The following RAB31 variants were observed in gnomAD, a reference collection of about 807,000 sequenced individuals.
The protein encoded by RAB31 is RAB31, member RAS oncogene family, also known as ras-related protein Rab-31.
RAB31 carries 21 observed loss-of-function variants against 25.6 expected under a neutral mutation model. The observed-to-expected ratio is 0.82, with a 90% CI of 0.58 to 1.18. The LOEUF is 1.18. Among genes scored for constraint, RAB31 ranks in the 50% most tolerant of loss-of-function variants. The pLI is 0.00. For synonymous variants in RAB31, 87 were observed against 84.0 expected, an observed-to-expected ratio of 1.04 and a Z score of -0.20; for missense variants, 196 against 250.1, an observed-to-expected ratio of 0.78 and a Z score of 1.46.
chr18:9,767,141 A>G (rs1186186207), intron 1 of RAB31, among the ~76,000 whole-genome samples: 1 of 152,240 alleles, frequency 6.6e-6, no homozygotes, highest in East Asian at 1.9e-4. Flanking sequence ...CCCCAATGGG[A>G]TGTCATGCAC....
At chr18:9,724,282 A>AC (rs1332213414) in intron 1 of RAB31, among the ~76,000 whole-genome samples, 20 of 123,280 alleles carry the variant, frequency 1.6e-4, no homozygotes, top group African/African-American at 6.2e-4. Context: ...AAAAAAAAAA[A>AC]AAAAACAAAA....
chr18:9,781,893 G>A (rs2068406634), intron 2 of RAB31, among the ~76,000 whole-genome samples: 2 of 152,224 alleles, frequency 1.3e-5, no homozygotes, highest in South Asian at 4.1e-4. Context: ...GGTAGGTTCG[G>A]TGGGCTGAGG....
chr18:9,760,337 C>G (rs1161785314), intron 1 of RAB31, among the ~76,000 whole-genome samples: 1 of 151,946 alleles, frequency 6.6e-6, no homozygotes, highest in Non-Finnish European at 1.5e-5. Context: ...CCATGCCCAG[C>G]TAATTTTTTA....
chr18:9,772,770 A>T (rs8092047), intron 1 of RAB31, among the ~76,000 whole-genome samples: 82,690 of 151,770 alleles, frequency 0.54, 23,023 homozygotes, highest in Non-Finnish European at 0.58. Flanking sequence ...GTAAGGGGCA[A>T]TTTCCTAATC....
chr18:9,788,411 G>A (rs757867427), intron 2 of RAB31, among the ~76,000 whole-genome samples: 1 of 152,232 alleles, frequency 6.6e-6, no homozygotes, highest in African/African-American at 2.4e-5. Context: ...TGGCAAGGGT[G>A]AAGAGAAAAG....
intron 2 of RAB31, among the ~76,000 whole-genome samples, chr18:9,784,424 G>A (rs12961249): frequency 0.31 from 47,423 of 151,994 alleles, 8,259 homozygotes; most frequent in Middle Eastern, 0.46. Flanking sequence ...AATCATTGTC[G>A]TAATAGTGAA....
intron 1 of RAB31, among the ~76,000 whole-genome samples, chr18:9,710,940 TGTAA>T (rs35542146): frequency 0.22 from 33,241 of 150,134 alleles, 4,633 homozygotes; most frequent in African/African-American, 0.39. Flanking sequence ...TGAGGGTGGC[TGTAA>T]GTTTCAGTTT....
chr18:9,818,911 T>C (rs2068612338), intron 5 of RAB31, among the ~76,000 whole-genome samples: 1 of 152,238 alleles, frequency 6.6e-6, no homozygotes, highest in Non-Finnish European at 1.5e-5. Flanking sequence ...CATATGTTTA[T>C]TGGCCATGTG....
At chr18:9,823,651 G>GT (rs1212689536) in intron 5 of RAB31, among the ~76,000 whole-genome samples, 1 of 152,140 alleles carries the variant, frequency 6.6e-6, no homozygotes, top group Non-Finnish European at 1.5e-5. Flanking sequence ...GAACAGTCAG[G>GT]TGAGGGTATG....
intron 2 of RAB31, among the ~76,000 whole-genome samples, chr18:9,788,153 C>T (rs73940031): frequency 0.034 from 5,161 of 152,080 alleles, 238 homozygotes; most frequent in African/African-American, 0.1. Context: ...ATAAAAGGGA[C>T]GAAAATCCAG....
At chr18:9,807,266 G>A (rs1430364083) in intron 3 of RAB31, among the ~76,000 whole-genome samples, 6 of 152,164 alleles carry the variant, frequency 3.9e-5, no homozygotes, top group African/African-American at 1.2e-4. Context: ...GCTGTGCAGC[G>A]AAGATACTGT....
chr18:9,714,245 C>A (rs943839916), intron 1 of RAB31, among the ~76,000 whole-genome samples: 4 of 152,226 alleles, frequency 2.6e-5, no homozygotes, highest in African/African-American at 9.6e-5. Context: ...GACGATTTTT[C>A]CACAGATGGG....
At chr18:9,780,406 AC>A (rs534070530) in intron 2 of RAB31, among the ~76,000 whole-genome samples, 12 of 152,328 alleles carry the variant, frequency 7.9e-5, no homozygotes, top group African/African-American at 2.6e-4. Flanking sequence ...AATGAAAAAA[AC>A]ATGAGGAAAA....
intron 2 of RAB31, among the ~76,000 whole-genome samples, chr18:9,783,891 A>C (rs949470852): frequency 6.6e-6 from 1 of 152,224 alleles, no homozygotes; most frequent in Non-Finnish European, 1.5e-5. Context: ...ACACATTGAA[A>C]GAGATTTGAA....
Position 9,859,563 on chromosome 18 carries a change from TGGAG to T in RAB31, c.*241_*244del, listed in dbSNP as rs1476455956. ...TGGCCTTTAGTGTATGAAATGCACATGGAGGGGATGTAGTTGCATTTTTGCTAAA... is the reference window on the plus strand; with the variant it reads ...TGGCCTTTAGTGTATGAAATGCACATGGGATGTAGTTGCATTTTTGCTAAA... On this transcript the variant is annotated 3_prime_UTR_variant, in exon 7 of 7. Transcript: ENST00000578921. The T allele has an allele frequency of 2.7e-6, 1 of 370,476 alleles. No homozygotes were observed. The highest frequency in any genetic ancestry group is 2.2e-5 in the African/African-American group (1 of 46,174). 22.9% of individuals were successfully genotyped at this position (370,476 alleles called of 1,614,324 possible). A position where few individuals can be genotyped will look rare whatever the true frequency, so the allele number is the denominator to read the frequency against.
intron 5 of RAB31, among the ~76,000 whole-genome samples, chr18:9,835,749 C>T (rs527348266): frequency 6.6e-6 from 1 of 152,076 alleles, no homozygotes; most frequent in South Asian, 2.1e-4. Context: ...AGTTTATTTT[C>T]GTTTTTTTCC....
intron 1 of RAB31, among the ~76,000 whole-genome samples, chr18:9,759,279 T>C (rs1042483242): frequency 1.3e-5 from 2 of 152,034 alleles, no homozygotes; most frequent in African/African-American, 4.8e-5. Context: ...CAAGCAATCC[T>C]TCTGTCTCAG....
At chr18:9,805,076 A>C (rs549232211) in intron 3 of RAB31, among the ~76,000 whole-genome samples, 1 of 151,554 alleles carries the variant, frequency 6.6e-6, no homozygotes, top group Admixed American at 6.6e-5. Flanking sequence ...ATATAATGAG[A>C]CTCCCATCTC....
At chr18:9,736,982 A>C (rs1340015181) in intron 1 of RAB31, among the ~76,000 whole-genome samples, 1 of 152,240 alleles carries the variant, frequency 6.6e-6, no homozygotes, top group Non-Finnish European at 1.5e-5. Context: ...AATAGCTATT[A>C]AAATTTATTA....
Sources: gnomAD v4.1 joint callset for allele counts (sites outside exome capture counted in the v4.1 genomes callset) on GRCh38, gnomAD v4.1.1 for gene constraint, MANE v1.5 for transcripts, NCBI Gene and HGNC (gene_info 2026-07-23, HGNC 2026-07-21) for gene names.